The following CLEC2A variants were observed in gnomAD, a reference collection of about 807,000 sequenced individuals.
CLEC2A encodes keratinocyte-associated C-type lectin.
CLEC2A carries 19 observed loss-of-function variants against 18.6 expected under a neutral mutation model. That is an observed-to-expected ratio of 1.02 (90% confidence interval 0.71 to 1.50). The LOEUF (loss-of-function observed/expected upper bound fraction) is 1.50, where lower values mean the gene tolerates loss of function less well. Ranked by LOEUF, CLEC2A falls within the 40% of genes most tolerant of loss-of-function variation. CLEC2A has a pLI of 0.00. For missense variants in CLEC2A, 190 were observed against 207.9 expected (o/e 0.91, Z 0.53); for synonymous variants, 74 against 64.0 (o/e 1.16, Z -0.75).
At chr12:9,892,006 C>A in the CLEC2A span, among the ~76,000 whole-genome samples, 1 of 152,136 alleles carries the variant, frequency 6.6e-6, no homozygotes, top group Admixed American at 6.5e-5. Context: ...ATAAGAGAGT[C>A]AAAGATGAAT....
intron 2 of CLEC2A, among the ~76,000 whole-genome samples, chr12:9,923,893 AC>A (rs1863218062): frequency 6.6e-6 from 1 of 151,852 alleles, no homozygotes; most frequent in African/African-American, 2.4e-5. Context: ...ACACATGGAC[AC>A]AGGGACGGGA....
the CLEC2A span, among the ~76,000 whole-genome samples, chr12:9,883,353 CT>C: frequency 6.6e-6 from 1 of 152,178 alleles, no homozygotes; most frequent in Non-Finnish European, 1.5e-5. Flanking sequence ...TCATATAGCC[CT>C]GTGTAAGCCA....
intron 4 of CLEC2A, among the ~76,000 whole-genome samples, chr12:9,914,695 C>A (rs567549159): frequency 6.6e-6 from 1 of 152,138 alleles, no homozygotes; most frequent in African/African-American, 2.4e-5. Flanking sequence ...CTTCCTTACA[C>A]CTTATACAAA....
the CLEC2A span, chr12:9,893,332 A>T: frequency 1.2e-6 from 1 of 827,384 alleles, no homozygotes; most frequent in Non-Finnish European, 1.8e-6. Context: ...ATATGAAAAA[A>T]TATATTTTAT....
At chr12:9,898,805 G>A (rs1202863142) in exon 5 of CLEC2A, 6 of 609,514 alleles carry the variant, frequency 9.8e-6, no homozygotes, top group Non-Finnish European at 1.8e-5. Flanking sequence ...ACATCTAACT[G>A]CCGTTATATT....
chr12:9,882,172 C>T, the CLEC2A span, among the ~76,000 whole-genome samples: 2 of 152,000 alleles, frequency 1.3e-5, no homozygotes, highest in Non-Finnish European at 2.9e-5. Flanking sequence ...GCTTTGTTTG[C>T]TTTTTCAGGA....
At chr12:9,902,353 C>T (rs958739386) in intron 4 of CLEC2A, among the ~76,000 whole-genome samples, 2 of 151,254 alleles carry the variant, frequency 1.3e-5, no homozygotes, top group Non-Finnish European at 1.5e-5. Context: ...CCTGCCTCAG[C>T]CCCCAAGTAG....
At chr12:9,892,931 C>T in the CLEC2A span, 1 of 1,085,164 alleles carries the variant, frequency 9.2e-7, no homozygotes, top group Non-Finnish European at 1.3e-6. Context: ...TTGGAAAAAT[C>T]TATTTTCCAA....
At chr12:9,906,979 C>T (rs1381553095) in intron 4 of CLEC2A, among the ~76,000 whole-genome samples, 3 of 152,174 alleles carry the variant, frequency 2.0e-5, no homozygotes, top group Non-Finnish European at 4.4e-5. Context: ...CAGTGAGTCA[C>T]CTCCCTGCCT....
At chr12:9,930,769 T>C (rs1485899313) in intron 1 of CLEC2A, among the ~76,000 whole-genome samples, 4 of 152,220 alleles carry the variant, frequency 2.6e-5, no homozygotes, top group Admixed American at 1.3e-4. Flanking sequence ...ATTCTTGTTA[T>C]CTAGAAGGTG....
rs1212457778 is a variant in CLEC2A, at chr12:9,932,284, G to A, written c.46C>T (p.His16Tyr). The change falls in exon 1 of 5, where the codon CAT becomes TAT. Residue 16 changes from histidine to tyrosine, a missense_variant. By Grantham distance (83) the His-to-Tyr change is moderately conservative. Coordinates refer to ENST00000455827, the MANE Select transcript of CLEC2A (RefSeq NM_001130711.2). Reference sequence around the variant, plus strand: ...ACTCTATAAAACTTACCTATCCGATGTATGAAGCCATCAGCTCTGCCATCC... The same window carrying A: ...ACTCTATAAAACTTACCTATCCGATATATGAAGCCATCAGCTCTGCCATCC... ...LRDGRADGFI[H>Y]RIVPKLIQNW... is the part of the protein sequence containing the mutation. 1 of 1,550,788 alleles carries A rather than the reference G, an allele frequency of 6.4e-7. No homozygotes were observed. The highest frequency in any genetic ancestry group is 8.7e-7 in the Non-Finnish European group (1 of 1,145,984).
intron 4 of CLEC2A, among the ~76,000 whole-genome samples, chr12:9,915,333 C>G (rs1468680843): frequency 6.6e-6 from 1 of 151,986 alleles, no homozygotes; most frequent in African/African-American, 2.4e-5. Context: ...ACCATTTAAC[C>G]CAGCAATCCC....
chr12:9,908,268 A>C (rs1228308234), downstream of CLEC2A, among the ~76,000 whole-genome samples: 2 of 152,206 alleles, frequency 1.3e-5, no homozygotes, highest in East Asian at 3.8e-4. Context: ...ACTGGTAAGT[A>C]GGTTTAGTGA....
intron 4 of CLEC2A, among the ~76,000 whole-genome samples, chr12:9,907,580 G>C (rs1862923858): frequency 6.6e-6 from 1 of 152,124 alleles, no homozygotes; most frequent in Non-Finnish European, 1.5e-5. Context: ...GAAACTCATA[G>C]TCCTTCCCCT....
At chr12:9,898,625 T>C (rs1862784614), downstream of CLEC2A, 2 of 344,902 alleles carry the variant, frequency 5.8e-6, no homozygotes, top group African/African-American at 2.1e-5. Context: ...CATTTCATAA[T>C]AAATGGAACA....
At chr12:9,922,010 T>C (rs1218889302) in intron 3 of CLEC2A, 56 bp downstream of exon 3, 6 of 1,355,502 alleles carry the variant, frequency 4.4e-6, no homozygotes, top group Non-Finnish European at 6.0e-6. Flanking sequence ...TATTGTTTTA[T>C]TATGTTTTTA....
At chr12:9,920,122 C>T (rs1159928278) in intron 3 of CLEC2A, among the ~76,000 whole-genome samples, 1 of 152,240 alleles carries the variant, frequency 6.6e-6, no homozygotes, top group Non-Finnish European at 1.5e-5. Flanking sequence ...TTATTGATGG[C>T]TGGCTAGAAC....
intron 3 of CLEC2A, 78 bp downstream of exon 3, chr12:9,921,988 A>G: frequency 8.7e-7 from 1 of 1,149,186 alleles, no homozygotes; most frequent in Non-Finnish European, 1.2e-6. Flanking sequence ...ATTGTATTAT[A>G]GTATTAGCTA....
At chr12:9,881,679 TC>T in the CLEC2A span, 1 of 1,521,772 alleles carries the variant, frequency 6.6e-7, no homozygotes, top group Non-Finnish European at 8.8e-7. Flanking sequence ...GGAATACTGC[TC>T]CCCATCACCG....
Sources: allele counts gnomAD v4.1 joint callset (sites outside exome capture counted in the v4.1 genomes callset), GRCh38; gene constraint gnomAD v4.1.1; transcripts MANE v1.5; gene names NCBI Gene and HGNC (gene_info 2026-07-23, HGNC 2026-07-21).